The following PAG1 variants were observed in gnomAD, a reference collection of about 807,000 sequenced individuals.
PAG1 encodes the protein phosphoprotein membrane anchor with glycosphingolipid microdomains 1.
In PAG1, 23 loss-of-function variants were observed where a neutral mutation model predicts 31.7. The ratio of observed to expected loss-of-function variants is 0.73; its 90% CI spans 0.52 to 1.03. The LOEUF is 1.03. Ranked by LOEUF, PAG1 falls within the 50% of genes least tolerant of loss-of-function variation. The pLI is 0.00. For synonymous variants in PAG1, 214 were observed against 210.3 expected (o/e 1.02, Z -0.15); for missense variants, 473 against 540.7 (o/e 0.87, Z 1.24).
intron 2 of PAG1, among the ~76,000 whole-genome samples, chr8:81,038,128 T>C (rs1808492872): frequency 6.6e-6 from 1 of 152,142 alleles, no homozygotes; most frequent in Non-Finnish European, 1.5e-5. Flanking sequence ...GGTTGGAGGG[T>C]TGCTGCCCCA....
At chr8:81,038,149 T>C (rs943048509) in intron 2 of PAG1, among the ~76,000 whole-genome samples, 2 of 152,174 alleles carry the variant, frequency 1.3e-5, no homozygotes, top group African/African-American at 2.4e-5. Flanking sequence ...GCAGAAGTTG[T>C]GTGAATGGGT....
At chr8:81,034,432 C>T (rs1246145624) in intron 2 of PAG1, among the ~76,000 whole-genome samples, 1 of 152,218 alleles carries the variant, frequency 6.6e-6, no homozygotes, top group Non-Finnish European at 1.5e-5. Flanking sequence ...TGGCATACTG[C>T]TGCAGCAATA....
chr8:80,988,949 C>T (rs1807481556), intron 5 of PAG1, among the ~76,000 whole-genome samples: 1 of 152,172 alleles, frequency 6.6e-6, no homozygotes, highest in Non-Finnish European at 1.5e-5. Flanking sequence ...TCTCAGGTTG[C>T]AGCCCAAATC....
At chr8:81,023,387 AAG>A (rs1808220957) in intron 3 of PAG1, among the ~76,000 whole-genome samples, 1 of 152,200 alleles carries the variant, frequency 6.6e-6, no homozygotes, top group Non-Finnish European at 1.5e-5. Flanking sequence ...ATGATAGATA[AAG>A]AGATAAAAGT....
chr8:81,069,891 C>T (rs1809066666), intron 2 of PAG1, among the ~76,000 whole-genome samples: 1 of 152,206 alleles, frequency 6.6e-6, no homozygotes, highest in Non-Finnish European at 1.5e-5. Context: ...GAAGTATACC[C>T]ATTGGCGTCT....
intron 2 of PAG1, among the ~76,000 whole-genome samples, chr8:81,053,052 T>C (rs942960533): frequency 9.2e-5 from 14 of 152,214 alleles, no homozygotes; most frequent in Non-Finnish European, 1.8e-4. Flanking sequence ...ATAATTGTAA[T>C]TGTAAATTCA....
rs1366991313 is a variant in PAG1 at position 81,078,332 on chromosome 8, C to T, written c.-233-8162G>A. Among the ~76,000 whole-genome samples the T allele has an allele frequency of 2.0e-5, 3 of 152,194 alleles. No individual in the cohort carries two copies. In the East Asian group the frequency reaches 5.8e-4, roughly 29 times the overall value. On this transcript the variant is annotated intron_variant, in intron 1 of 8. Transcript: ENST00000220597. Reference sequence around the variant, plus strand: ...ATTTGAAGGTTTTTCTTCTCTATCCCTTAGTTAAGTAGGAATAAGAACTAA... The same window carrying T: ...ATTTGAAGGTTTTTCTTCTCTATCCTTTAGTTAAGTAGGAATAAGAACTAA...
At chr8:81,108,428 G>A (rs1809725993) in intron 1 of PAG1, among the ~76,000 whole-genome samples, 1 of 152,116 alleles carries the variant, frequency 6.6e-6, no homozygotes, top group Admixed American at 6.6e-5. Context: ...CTCTCGAAGA[G>A]TTTTGATTTT....
intron 2 of PAG1, chr8:81,067,486 C>T (rs2130953265): frequency 6.6e-6 from 1 of 152,304 alleles, no homozygotes; most frequent in Middle Eastern, 3.4e-3. Context: ...CCAACTCTTT[C>T]TTACTGCTCT....
chr8:81,106,621 C>T (rs1263307108), intron 1 of PAG1, among the ~76,000 whole-genome samples: 1 of 152,082 alleles, frequency 6.6e-6, no homozygotes, highest in African/African-American at 2.4e-5. Context: ...ATTATAATCA[C>T]AATAATTCCT....
intron 2 of PAG1, among the ~76,000 whole-genome samples, chr8:81,048,289 A>T (rs1417520254): frequency 6.6e-6 from 1 of 151,728 alleles, no homozygotes; most frequent in East Asian, 1.9e-4. Flanking sequence ...ATTGGGGGAG[A>T]ATGCTTTTTT....
At chr8:81,010,826 A>G (rs906805792) in intron 3 of PAG1, among the ~76,000 whole-genome samples, 57 of 152,330 alleles carry the variant, frequency 3.7e-4, no homozygotes, top group African/African-American at 1.3e-3. Context: ...CTCCTTGACC[A>G]TGACTTCTCA....
chr8:81,039,774 A>C (rs948177416), intron 2 of PAG1, among the ~76,000 whole-genome samples: 5 of 152,192 alleles, frequency 3.3e-5, no homozygotes, highest in Admixed American at 1.3e-4. Flanking sequence ...TTATTTCTTA[A>C]TTATATAACT....
chr8:81,054,882 A>C (rs886415711), intron 2 of PAG1, among the ~76,000 whole-genome samples: 2 of 152,072 alleles, frequency 1.3e-5, no homozygotes, highest in African/African-American at 4.8e-5. Context: ...ACATTTCAAA[A>C]GCTCATGATG....
intron 3 of PAG1, among the ~76,000 whole-genome samples, chr8:81,007,140 T>C (rs894382475): frequency 6.6e-6 from 1 of 151,340 alleles, no homozygotes; most frequent in Admixed American, 6.6e-5. Flanking sequence ...AGAGAGAGAG[T>C]AGCCTATGAT....
chr8:81,095,214 G>A (rs1221938370), intron 1 of PAG1, among the ~76,000 whole-genome samples: 1 of 152,176 alleles, frequency 6.6e-6, no homozygotes, highest in Non-Finnish European at 1.5e-5. Context: ...GGTCCAATCT[G>A]GGTTTGGACA....
At chr8:81,007,838 T>G (rs1029665644) in intron 3 of PAG1, among the ~76,000 whole-genome samples, 3 of 152,128 alleles carry the variant, frequency 2.0e-5, no homozygotes, top group African/African-American at 7.2e-5. Context: ...GCCGTGGCAG[T>G]GGCCCTGCCA....
intron 2 of PAG1, among the ~76,000 whole-genome samples, chr8:81,060,276 CCTGAG>C (rs1435702781): frequency 2.0e-5 from 3 of 151,980 alleles, no homozygotes; most frequent in Non-Finnish European, 4.4e-5. Flanking sequence ...CAATAAATAC[CCTGAG>C]CTAAGGACTT....
At chr8:81,089,515 C>T (rs898220573) in intron 1 of PAG1, among the ~76,000 whole-genome samples, 1 of 151,822 alleles carries the variant, frequency 6.6e-6, no homozygotes, top group Non-Finnish European at 1.5e-5. Context: ...TTGCAGTGAG[C>T]TGAGATCGCA....
Sources: allele counts gnomAD v4.1 joint callset (sites outside exome capture counted in the v4.1 genomes callset), GRCh38; gene constraint gnomAD v4.1.1; transcripts MANE v1.5; gene names NCBI Gene and HGNC (gene_info 2026-07-23, HGNC 2026-07-21).